COL4A6: variants seen among roughly 807,000 people sequenced by gnomAD.
COL4A6 encodes collagen type IV alpha 6 chain.
In COL4A6, 59 loss-of-function variants were observed where a neutral mutation model predicts 126.7. The observed-to-expected ratio is 0.47, with a 90% confidence interval of 0.38 to 0.58. The LOEUF (loss-of-function observed/expected upper bound fraction) is 0.58, where lower values mean the gene tolerates loss of function less well. COL4A6 is among the 20% of genes least tolerant of loss of function. The pLI, the probability that COL4A6 is intolerant of heterozygous loss-of-function variation, is 0.00. For synonymous variants in COL4A6, 547 were observed against 496.6 expected, an observed-to-expected ratio of 1.10 and a Z score of -1.35; for missense variants, 1,285 against 1,337.3, an observed-to-expected ratio of 0.96 and a Z score of 0.61.
At chrX:108,415,600 T>C (rs933721118) in intron 2 of COL4A6, among the ~76,000 whole-genome samples, 16 of 111,910 alleles carry the variant, frequency 1.4e-4, no homozygotes, top group African/African-American at 5.2e-4. Context: ...ATAATATATA[T>C]AAATACTCTA....
chrX:108,180,468 CACAT>C (rs749068076), intron 25 of COL4A6, 43 bp downstream of exon 25: 22 of 871,713 alleles, frequency 2.5e-5, no homozygotes, highest in Admixed American at 7.8e-5. Flanking sequence ...CACACACACA[CACAT>C]ACACACAAAG....
At chrX:108,411,869 G>A (rs73533264) in intron 2 of COL4A6, among the ~76,000 whole-genome samples, 8,068 of 110,296 alleles carry the variant, frequency 0.073, 664 homozygotes, top group African/African-American at 0.23. Context: ...TTTTTCCTCT[G>A]GTGCTGTTTG....
chrX:108,180,666 G>T, intron 24 of COL4A6, 44 bp from the exon 25 acceptor site: 1 of 1,028,698 alleles, frequency 9.7e-7, no homozygotes, highest in Non-Finnish European at 1.3e-6. Context: ...GAAAGTCGGT[G>T]TGCTAGGTAT....
intron 2 of COL4A6, among the ~76,000 whole-genome samples, chrX:108,380,094 A>G (rs889129269): frequency 8.9e-6 from 1 of 112,507 alleles, no homozygotes; most frequent in Non-Finnish European, 1.9e-5. Flanking sequence ...CTTCAGCAGG[A>G]GAGTTTTTGC....
intron 3 of COL4A6, among the ~76,000 whole-genome samples, chrX:108,221,599 T>C (rs2036020355): frequency 8.9e-6 from 1 of 112,680 alleles, no homozygotes. Context: ...ATAAGATTCA[T>C]GTGCACCAAG....
intron 3 of COL4A6, among the ~76,000 whole-genome samples, chrX:108,282,890 C>G (rs764205321): frequency 1.5e-4 from 16 of 106,612 alleles, no homozygotes; most frequent in African/African-American, 5.5e-4. Context: ...AGTAAACTAT[C>G]GCAAGAACAT....
chrX:108,360,941 G>A (rs2040072380), intron 2 of COL4A6, among the ~76,000 whole-genome samples: 1 of 110,847 alleles, frequency 9.0e-6, no homozygotes, highest in South Asian at 3.8e-4. Flanking sequence ...GTAAGTCTGG[G>A]AAATTAGCGT....
chrX:108,429,645 G>A (rs1039018524), intron 2 of COL4A6, among the ~76,000 whole-genome samples: 2 of 111,476 alleles, frequency 1.8e-5, no homozygotes, highest in African/African-American at 6.5e-5. Context: ...AACTGCATGT[G>A]AATCTACAAT....
At chrX:108,253,884 T>C (rs2036922470) in intron 3 of COL4A6, among the ~76,000 whole-genome samples, 2 of 111,865 alleles carry the variant, frequency 1.8e-5, no homozygotes, top group South Asian at 7.5e-4. Context: ...ATTAAGGCAT[T>C]TGTTAGAGAT....
chrX:108,261,327 T>C (rs1457275869), intron 3 of COL4A6, among the ~76,000 whole-genome samples: 1 of 111,982 alleles, frequency 8.9e-6, no homozygotes, highest in Non-Finnish European at 1.9e-5. Flanking sequence ...TGGATGTTAC[T>C]GCCCTAGAAA....
At chrX:108,359,282 T>C (rs2040028350) in intron 2 of COL4A6, among the ~76,000 whole-genome samples, 1 of 112,350 alleles carries the variant, frequency 8.9e-6, no homozygotes, top group African/African-American at 3.2e-5. Context: ...GGCCAAAGAA[T>C]AAGTAAATTA....
chrX:108,265,171 T>C (rs1027172070), intron 3 of COL4A6, among the ~76,000 whole-genome samples: 1 of 111,333 alleles, frequency 9.0e-6, no homozygotes, highest in African/African-American at 3.3e-5. Flanking sequence ...TGACATCCCA[T>C]TCAAAATCCA....
chrX:108,380,329 A>G (rs1338492841), intron 2 of COL4A6, among the ~76,000 whole-genome samples: 1 of 112,537 alleles, frequency 8.9e-6, no homozygotes, highest in Non-Finnish European at 1.9e-5. Flanking sequence ...TTTAAGAAAA[A>G]AAAGTTTAAC....
chrX:108,188,220 G>C (rs2034931875), intron 21 of COL4A6, among the ~76,000 whole-genome samples, 193 bp from the exon 22 acceptor site: 1 of 112,025 alleles, frequency 8.9e-6, no homozygotes, highest in South Asian at 3.7e-4. Context: ...AATCTTTGAA[G>C]ATGTAAACCT....
At position 108,180,520 on chromosome X, in the gene COL4A6, A is replaced by G; in HGVS notation, c.2126T>C (p.Leu709Ser). Residue 709 changes from leucine to serine, a missense_variant, in exon 25 of 45, where the codon TTA (leucine) becomes TCA (serine). By Grantham distance (145) the Leu-to-Ser change is moderately radical. Transcript: ENST00000334504. Reference sequence around the variant, plus strand: ...GGAGACACTCCTTTTCTTACCTGGTAATTCAGGAAGATGAACCAATCCTGG... The same window carrying G: ...GGAGACACTCCTTTTCTTACCTGGTGATTCAGGAAGATGAACCAATCCTGG... ...GSPGLVHLPE[L>S]PGFPGPRGEK... The G allele has an allele frequency of 1.7e-6, 2 of 1,201,574 alleles. No individual in the cohort carries two copies. Among genetic ancestry groups the G allele is most frequent in the South Asian group, 1.8e-5 (1 of 55,808 alleles).
chrX:108,157,325 G>T, intron 44 of COL4A6, 65 bp from the exon 45 acceptor site: 1 of 1,163,591 alleles, frequency 8.6e-7, no homozygotes. Flanking sequence ...GGAGGGGATG[G>T]GTGCTCCACT....
chrX:108,271,682 T>C (rs921667480), intron 3 of COL4A6, among the ~76,000 whole-genome samples: 10 of 111,020 alleles, frequency 9.0e-5, no homozygotes, highest in African/African-American at 3.0e-4. Context: ...TAACCAGATA[T>C]GGACCTAGAA....
intron 2 of COL4A6, among the ~76,000 whole-genome samples, chrX:108,388,177 CT>C (rs2040744922): frequency 9.0e-6 from 1 of 111,503 alleles, no homozygotes; most frequent in Admixed American, 9.5e-5. Flanking sequence ...CTAAAATTTT[CT>C]TTTTTTGTTG....
intron 3 of COL4A6, among the ~76,000 whole-genome samples, chrX:108,242,519 C>G (rs934101889): frequency 2.7e-5 from 3 of 111,697 alleles, no homozygotes; most frequent in Admixed American, 1.9e-4. Flanking sequence ...AGTGGTAAAC[C>G]CTCTTAATAA....
Sources: allele counts gnomAD v4.1 joint callset (sites outside exome capture counted in the v4.1 genomes callset), GRCh38; gene constraint gnomAD v4.1.1; transcripts MANE v1.5; gene names NCBI Gene and HGNC (gene_info 2026-07-23, HGNC 2026-07-21).